Variants in ZNFX1 observed in about 807,000 individuals in gnomAD.
ZNFX1 encodes the protein NFX1-type zinc finger-containing protein 1.
In ZNFX1, 78 loss-of-function variants were observed where a neutral mutation model predicts 179.8. The ratio of observed to expected loss-of-function variants is 0.43; its 90% confidence interval spans 0.36 to 0.52. The LOEUF (loss-of-function observed/expected upper bound fraction) is 0.52. Among genes scored for constraint, ZNFX1 ranks in the 20% least tolerant of loss-of-function variants. ZNFX1 has a pLI of 0.00. For synonymous variants in ZNFX1, 848 were observed against 868.5 expected (o/e 0.98, Z 0.42); for missense variants, 1,927 against 2,386.6 (o/e 0.81, Z 4.01).
Position 49,269,095 on chromosome 20 carries a change from T to C in ZNFX1, c.1870+847A>G, listed in dbSNP as rs943970427. Among the ~76,000 whole-genome samples, 3 of 152,194 alleles carry C rather than the reference T, an allele frequency of 2.0e-5. No individual in the cohort carries two copies. In the South Asian group the frequency reaches 6.2e-4, roughly 31 times the overall value. On this transcript the variant is annotated intron_variant, in intron 3 of 13. Coordinates refer to ENST00000396105, the MANE Select transcript of ZNFX1 (RefSeq NM_021035.3). ...AGCACTATTCACAATAGCAAAGATA[T>C]GGACTCAACCTAGATGCCCAACAAT... is the stretch of plus-strand genomic sequence containing the variant.
rs889983655 is a variant in ZNFX1, at chr20:49,258,049, G to A, written c.2417-385C>T. Among the ~76,000 whole-genome samples the A allele has an allele frequency of 2.6e-5, 4 of 151,404 alleles. 1 individual carries two copies. Among genetic ancestry groups the A allele is most frequent in the Non-Finnish European group, 5.9e-5 (4 of 67,956 alleles). On this transcript the variant is annotated intron_variant, in intron 7 of 13. Transcript: ENST00000396105. ...TCTTGAAGCTAAGGGACAGAAGACGGCACCTGCAAGAGCTCAGATGCATGA... is the reference window on the plus strand; with the variant it reads ...TCTTGAAGCTAAGGGACAGAAGACGACACCTGCAAGAGCTCAGATGCATGA...
At position 49,264,767 on chromosome 20, in the gene ZNFX1, C is replaced by T. The variant is rs1981197485; in HGVS notation, c.2100G>A (p.Lys700=). 3 of 1,614,054 alleles carry T rather than the reference C, an allele frequency of 1.9e-6. No individual in the cohort carries two copies. The highest frequency in any genetic ancestry group is 2.5e-6 in the Non-Finnish European group (3 of 1,180,042). ...TGGGGAGGTTGCGGCGGAATTCCCGCTTGTTCCTCAGCTCCCTTAGGGTGA... is the reference window on the plus strand; with the variant it reads ...TGGGGAGGTTGCGGCGGAATTCCCGTTTGTTCCTCAGCTCCCTTAGGGTGA... The part of the protein sequence containing the change: ...KQFTLRELRN[K]REFRRNLPMH... Residue 700 remains lysine, a synonymous_variant, in exon 5 of 14, where the codon AAG becomes AAA. Coordinates refer to ENST00000396105, the MANE Select transcript of ZNFX1 (RefSeq NM_021035.3).
Position 49,270,165 on chromosome 20 carries a change from C to T in ZNFX1, c.1647G>A (p.Leu549=), listed in dbSNP as rs767035367. Residue 549 remains leucine (L), a synonymous_variant, in exon 3 of 14, where the codon TTG becomes TTA. Coordinates refer to ENST00000396105, the MANE Select transcript of ZNFX1 (RefSeq NM_021035.3). The surrounding 1 kb of genome is among the most constrained non-coding windows in gnomAD (Gnocchi z 4.6). ...CNSHVKEPRY[L]LMGGRYDFTP... ...TAAAGTCGTATCTGCCCCCCATTAG[C>T]AAGTACCTTGGCTCCTTCACATGAG... is the stretch of plus-strand genomic sequence containing the variant. 6.8e-6 allele frequency: 11 copies of T among 1,613,950 alleles called. No homozygotes were observed. Among genetic ancestry groups the T allele is most frequent in the Non-Finnish European group, 9.3e-6 (11 of 1,179,992 alleles).
chr20:49,271,349 T>C lies in ZNFX1; in HGVS notation c.463A>G (p.Lys155Glu). The change falls in exon 3 of 14, where the codon AAA becomes GAA. Residue 155 changes from lysine to glutamate, a missense_variant. By Grantham distance (56) the Lys-to-Glu change is moderately conservative. Transcript: ENST00000396105. Reference sequence around the variant, plus strand: ...GTGATGACCACCTCAGAAGGGTCTTTCTGCAGAAGACTTTCTAAGAACTTG... The same window carrying C: ...GTGATGACCACCTCAGAAGGGTCTTCCTGCAGAAGACTTTCTAAGAACTTG... ...GYKFLESLLQ[K>E]DPSEVVITLA... 1 of 1,614,200 alleles carries C rather than the reference T, an allele frequency of 6.2e-7. No homozygotes were observed. Among genetic ancestry groups the C allele is most frequent in the Non-Finnish European group, 8.5e-7 (1 of 1,180,030 alleles).
chr20:49,275,122 CAA>C (rs11477284), intron 2 of ZNFX1, among the ~76,000 whole-genome samples: 12 of 145,180 alleles, frequency 8.3e-5, no homozygotes, highest in Middle Eastern at 3.6e-3. Context: ...GACTCTGTCT[CAA>C]AAAAAAAAAA....
intron 7 of ZNFX1, among the ~76,000 whole-genome samples, chr20:49,259,477 A>G (rs1173290479): frequency 6.6e-6 from 1 of 151,648 alleles, no homozygotes; most frequent in Non-Finnish European, 1.5e-5. Flanking sequence ...GCTGTAGTGC[A>G]GCATTGCAGT....
chr20:49,261,353 A>G (rs960237485), intron 6 of ZNFX1, among the ~76,000 whole-genome samples: 6 of 152,354 alleles, frequency 3.9e-5, no homozygotes, highest in Admixed American at 2.6e-4. Flanking sequence ...CGTGGTACAT[A>G]TATACCATGG....
In ZNFX1 at chr20:49,276,484, A is replaced by T. The variant is rs565635728; in HGVS notation, c.-48-597T>A. Among the ~76,000 whole-genome samples, 4 of 152,376 alleles carry T rather than the reference A, an allele frequency of 2.6e-5. No individual in the cohort carries two copies. In the South Asian group the frequency reaches 8.3e-4, roughly 32 times the overall value. ...CAAGAGAAAGAAATTACATGTTTCA[A>T]TAACCAGGAGGTTTGGCAACTACGA... is the stretch of plus-strand genomic sequence containing the variant. On this transcript the variant is annotated intron_variant, in intron 1 of 13. Coordinates refer to ENST00000396105, the MANE Select transcript of ZNFX1 (RefSeq NM_021035.3).
At chr20:49,276,418 T>G (rs1981560347) in intron 1 of ZNFX1, among the ~76,000 whole-genome samples, 1 of 152,214 alleles carries the variant, frequency 6.6e-6, no homozygotes, top group Admixed American at 6.5e-5. Flanking sequence ...GCCTACTCTT[T>G]GGAATGGAGC....
Position 49,251,572 on chromosome 20 carries a change from C to T in ZNFX1, c.3267G>A (p.Gln1089=), listed in dbSNP as rs1980837630. Residue 1089 remains glutamine, a synonymous_variant, in exon 13 of 14, where the codon CAG becomes CAA. Coordinates refer to ENST00000396105, the MANE Select transcript of ZNFX1 (RefSeq NM_021035.3). The part of the protein sequence containing the change: ...IARLLTPHIY[Q]DLENHPSVLK... ...GAACAGATGGATGATTCTCCAGATC[C>T]TGGTAAATGTGGGGGGTCAAAAGGC... 1 of 1,612,386 alleles carries T rather than the reference C, an allele frequency of 6.2e-7. No homozygotes were observed. The highest frequency in any genetic ancestry group is 8.5e-7 in the Non-Finnish European group (1 of 1,179,278).
chr20:49,266,514 A>G (rs1244373743), intron 3 of ZNFX1, among the ~76,000 whole-genome samples: 1 of 152,190 alleles, frequency 6.6e-6, no homozygotes, highest in Non-Finnish European at 1.5e-5. Flanking sequence ...TATACAAACA[A>G]TACAAATGTG....
chr20:49,258,767 T>C (rs6019712), intron 7 of ZNFX1, among the ~76,000 whole-genome samples: 13,789 of 151,570 alleles, frequency 0.091, 775 homozygotes, highest in African/African-American at 0.17. Context: ...GATCGTGCCA[T>C]TGCACTCCAG....
chr20:49,248,673 T>TGTGGCAGGAGCCTGGGCAAGG lies in ZNFX1; in HGVS notation c.4330_4350dup (p.Pro1444_His1450dup), dbSNP rs763517713. 2 of 1,613,164 alleles carry TGTGGCAGGAGCCTGGGCAAGG rather than the reference T, an allele frequency of 1.2e-6. No individual in the cohort carries two copies. The highest frequency in any genetic ancestry group is 1.7e-6 in the Non-Finnish European group (2 of 1,180,050). ...TCATGGAAACGCCCTTCGAAGCAGCTGTGGCAGGAGCCTGGGCAAGGATGC... is the reference window on the plus strand; with the variant it reads ...TCATGGAAACGCCCTTCGAAGCAGCTGTGGCAGGAGCCTGGGCAAGGGTGGCAGGAGCCTGGGCAAGGATGC... On this transcript the variant is annotated inframe_insertion, in exon 14 of 14. Coordinates refer to ENST00000396105, the MANE Select transcript of ZNFX1 (RefSeq NM_021035.3). The surrounding 1 kb of genome is among the most constrained non-coding windows in gnomAD (Gnocchi z 4.6).
chr20:49,268,321 G>T (rs1037674558), intron 3 of ZNFX1, among the ~76,000 whole-genome samples: 1 of 152,088 alleles, frequency 6.6e-6, no homozygotes, highest in Non-Finnish European at 1.5e-5. Flanking sequence ...ATATAAAATT[G>T]AACCAATTAT....
Position 49,270,232 on chromosome 20 carries a change from TC to T in ZNFX1, c.1579del (p.Glu527ArgfsTer17). ...HVLEGLQEVQ[E>X]EDVPFQRNIV... ...ATTCCTCTGGAAGGGAACATCTTCC[TC>T]CTGGACCTCCTGGAGTCCTTCCAGG... On this transcript the variant is annotated frameshift_variant, in exon 3 of 14. Transcript: ENST00000396105. LOFTEE classifies it high-confidence loss of function. This position sits in a 1 kb window ranked among gnomAD's most constrained non-coding sequence, Gnocchi z 4.6. 1 of 1,614,048 alleles carries T rather than the reference TC, an allele frequency of 6.2e-7. No individual in the cohort carries two copies. Among genetic ancestry groups the T allele is most frequent in the Non-Finnish European group, 8.5e-7 (1 of 1,180,036 alleles).
intron 7 of ZNFX1, among the ~76,000 whole-genome samples, chr20:49,259,135 TAAATA>T: frequency 7.0e-6 from 1 of 142,628 alleles, no homozygotes; most frequent in Non-Finnish European, 1.6e-5. Flanking sequence ...AATAAATAAA[TAAATA>T]AAATAAATAC....
chr20:49,255,349 ACT>A (rs1164124821), intron 9 of ZNFX1, among the ~76,000 whole-genome samples: 2 of 140,304 alleles, frequency 1.4e-5, no homozygotes, highest in Non-Finnish European at 3.1e-5. Flanking sequence ...GGCCTCTCCT[ACT>A]CTTTTTTTTT....
rs1335713469 is a variant in ZNFX1, at chr20:49,248,362, A to G, written c.4662T>C (p.Cys1554=). ...LVCGHPCIGL[C]GEPCPKKCRI... Reference sequence around the variant, plus strand: ...GGCATTTCTTGGGGCATGGCTCCCCACAGAGACCAATGCAGGGGTGGCCAC... The same window carrying G: ...GGCATTTCTTGGGGCATGGCTCCCCGCAGAGACCAATGCAGGGGTGGCCAC... Residue 1554 remains cysteine, a synonymous_variant, in exon 14 of 14, where the codon TGT becomes TGC. Coordinates refer to ENST00000396105, the MANE Select transcript of ZNFX1 (RefSeq NM_021035.3). This position sits in a 1 kb window ranked among gnomAD's most constrained non-coding sequence, Gnocchi z 4.6. The G allele has an allele frequency of 1.2e-6, 2 of 1,613,672 alleles. No individual in the cohort carries two copies. The highest frequency in any genetic ancestry group is 2.2e-5 in the East Asian group (1 of 44,868).
intron 1 of ZNFX1, among the ~76,000 whole-genome samples, chr20:49,277,382 C>G (rs1193929470): frequency 8.9e-6 from 1 of 112,408 alleles, no homozygotes; most frequent in Non-Finnish European, 1.8e-5. Flanking sequence ...TAGCGAGCAC[C>G]AGGGGGTGCT....
Sources: allele counts gnomAD v4.1 joint callset (sites outside exome capture counted in the v4.1 genomes callset), GRCh38; gene constraint gnomAD v4.1.1; non-coding constraint Gnocchi (gnomAD v3.1); transcripts MANE v1.5; gene names NCBI Gene and HGNC (gene_info 2026-07-23, HGNC 2026-07-21).